The following SIN3B variants were observed in gnomAD, a reference collection of about 807,000 sequenced individuals.
SIN3B encodes SIN3 transcription regulator family member B, also known as paired amphipathic helix protein Sin3b.
SIN3B carries 19 observed loss-of-function variants against 120.2 expected under a neutral mutation model. That is an observed-to-expected ratio of 0.16 (90% CI 0.11 to 0.23). The LOEUF (loss-of-function observed/expected upper bound fraction) is 0.23, where lower values mean the gene tolerates loss of function less well. Ranked by LOEUF, SIN3B falls within the 10% of genes least tolerant of loss-of-function variation. The pLI is 1.00. For missense variants in SIN3B, 1,073 were observed against 1,573.0 expected, an observed-to-expected ratio of 0.68 and a Z score of 5.38; for synonymous variants, 654 against 653.2, an observed-to-expected ratio of 1.00 and a Z score of -0.02.
chr19:16,869,283 T>C (rs1599611004), intron 12 of SIN3B, among the ~76,000 whole-genome samples, 177 bp from the exon 13 acceptor site: 1 of 152,156 alleles, frequency 6.6e-6, no homozygotes, highest in Non-Finnish European at 1.5e-5. Context: ...CACAAGAGGT[T>C]GAGGCAAGCG....
Position 16,830,374 on chromosome 19 carries a change from A to G in SIN3B, c.227+477A>G, listed in dbSNP as rs146601459. 4.5e-4 allele frequency among the ~76,000 whole-genome samples: 68 copies of G among 152,294 alleles called. No homozygotes were observed. In the Middle Eastern group the frequency reaches 0.017, roughly 38 times the overall value. On this transcript the variant is annotated intron_variant, in intron 2 of 18. Transcript: ENST00000248054. ...AGGCCTGCTTGGAAGTAAGACGCATAAAATGCTTAGTAAGGGAGCTGGCAC... is the reference window on the plus strand; with the variant it reads ...AGGCCTGCTTGGAAGTAAGACGCATGAAATGCTTAGTAAGGGAGCTGGCAC...
At position 16,862,452 on chromosome 19, in the gene SIN3B, C is replaced by T. The variant is rs564988933; in HGVS notation, c.1159C>T (p.Arg387Trp). 7.4e-6 allele frequency: 12 copies of T among 1,614,138 alleles called. No homozygotes were observed. The highest frequency in any genetic ancestry group is 5.5e-5 in the South Asian group (5 of 91,080). The change falls in exon 9 of 19, where the codon CGG becomes TGG. Residue 387 changes from arginine to tryptophan, a missense_variant. This residue lies in a region of SIN3B where 395 missense variants were observed against 528.0 expected (regional missense o/e 0.75). Coordinates refer to ENST00000248054, the MANE Select transcript of SIN3B (RefSeq NM_001297595.2). The surrounding 1 kb of genome is among the most constrained non-coding windows in gnomAD (Gnocchi z 4.7). Reference sequence around the variant, plus strand: ...CGACAGATCCGGGGACGGGATAAGCCGGGAAATTGATTATGCATCCTGCAA... The same window carrying T: ...CGACAGATCCGGGGACGGGATAAGCTGGGAAATTGATTATGCATCCTGCAA... ...MSDRSGDGIS[R>W]EIDYASCKRI...
chr19:16,851,662 T>C, intron 6 of SIN3B, 128 bp downstream of exon 6: 2 of 1,206,076 alleles, frequency 1.7e-6, no homozygotes, highest in Non-Finnish European at 2.2e-6. Flanking sequence ...TGTGTGAGGT[T>C]CACCGGCAGT....
intron 6 of SIN3B, 96 bp downstream of exon 6, chr19:16,851,630 G>A (rs1302920038): frequency 1.4e-6 from 2 of 1,452,524 alleles, no homozygotes; most frequent in African/African-American, 1.4e-5. Context: ...CCCCAGCAGG[G>A]GTTCGGGGCT....
chr19:16,863,012 G>T (rs371609573), intron 9 of SIN3B: 83 of 1,493,316 alleles, frequency 5.6e-5, no homozygotes, highest in Middle Eastern at 1.7e-4. Flanking sequence ...GCCCTGGCCC[G>T]CTGCCCGTGT....
chr19:16,845,885 A>G (rs775580197), intron 4 of SIN3B, among the ~76,000 whole-genome samples: 3 of 152,192 alleles, frequency 2.0e-5, no homozygotes, highest in Non-Finnish European at 4.4e-5. Flanking sequence ...CCATGCCTAC[A>G]TAATGTTTAA....
At chr19:16,871,761 C>A in intron 14 of SIN3B, 1 of 213,000 alleles carries the variant, frequency 4.7e-6, no homozygotes, top group Non-Finnish European at 9.4e-6. Flanking sequence ...CTTTTTATGG[C>A]TCTGTAATAC....
chr19:16,864,267 C>G (rs1568422199), intron 10 of SIN3B, among the ~76,000 whole-genome samples: 2 of 152,206 alleles, frequency 1.3e-5, no homozygotes, highest in African/African-American at 4.8e-5. Flanking sequence ...GCACTCCACC[C>G]TGGACAACAG....
At position 16,876,199 on chromosome 19, in the gene SIN3B, C is replaced by A; in HGVS notation, c.2737C>A (p.Arg913Ser). 6.2e-7 allele frequency: 1 copy of A among 1,612,158 alleles called. No homozygotes were observed. The highest frequency in any genetic ancestry group is 8.5e-7 in the Non-Finnish European group (1 of 1,179,066). The change falls in exon 15 of 19, where the codon CGC becomes AGC. Residue 913 changes from arginine (R) to serine (S), a missense_variant. By Grantham distance (110) the Arg-to-Ser change is moderately radical (BLOSUM62 -1). This residue lies in a region of SIN3B where 311 missense variants were observed against 400.3 expected (regional missense o/e 0.78). Transcript: ENST00000248054. The surrounding 1 kb of genome is among the most constrained non-coding windows in gnomAD (Gnocchi z 7.1). ...GACCAGCTACCAGTGGAAGGCTGAGCGCTGCATGGCCGACGAGAACTGCTT... is the reference window on the plus strand; with the variant it reads ...GACCAGCTACCAGTGGAAGGCTGAGAGCTGCATGGCCGACGAGAACTGCTT... ...RETSYQWKAERCMADENCFKV... is the reference protein window; with the variant it reads ...RETSYQWKAESCMADENCFKV...
chr19:16,871,418 G>A lies in SIN3B; in HGVS notation c.2592+20G>A, dbSNP rs2051509630. ...CGGCAGGTGAGCCGGGCCGGGGTGG[G>A]GCCGGCCCTGAGGACGGCGGAAATG... On this transcript the variant is annotated intron_variant, in intron 14 of 18. Transcript: ENST00000248054. 8 of 1,584,336 alleles carry A rather than the reference G, an allele frequency of 5.0e-6. No individual in the cohort carries two copies. Among genetic ancestry groups the A allele is most frequent in the East Asian group, 2.3e-5 (1 of 44,348 alleles).
rs201503836 is a variant in SIN3B, at chr19:16,853,191, T to C, written c.939+33T>C. On this transcript the variant is annotated intron_variant, in intron 7 of 18. Coordinates refer to ENST00000248054, the MANE Select transcript of SIN3B (RefSeq NM_001297595.2). ...TGGGCCCTGGCTTCCATCTTGGGGA[T>C]GCCATGTCCAGCTGGCTGGGCCAAT... is the stretch of plus-strand genomic sequence containing the variant. 42 of 1,590,392 alleles carry C rather than the reference T, an allele frequency of 2.6e-5. No individual in the cohort carries two copies. The East Asian group carries it at 6.5e-4, about 25-fold the overall frequency.
chr19:16,844,427 A>G (rs530308315), intron 4 of SIN3B, among the ~76,000 whole-genome samples: 6 of 152,270 alleles, frequency 3.9e-5, no homozygotes, highest in East Asian at 1.9e-4. Flanking sequence ...GGTGGTGCCA[A>G]TGAGCCTGGG....
chr19:16,848,395 C>T (rs1050260446), intron 5 of SIN3B, among the ~76,000 whole-genome samples: 3 of 149,600 alleles, frequency 2.0e-5, no homozygotes, highest in Non-Finnish European at 4.4e-5. Context: ...TCTGTCTCTC[C>T]ACATGTTGGC....
intron 14 of SIN3B, among the ~76,000 whole-genome samples, chr19:16,872,833 G>A (rs967162828): frequency 2.0e-5 from 3 of 152,176 alleles, no homozygotes; most frequent in Non-Finnish European, 2.9e-5. Context: ...TCCTGGGAGC[G>A]TCATTCTGTG....
chr19:16,850,820 G>C (rs1971534586), intron 5 of SIN3B, among the ~76,000 whole-genome samples: 1 of 152,218 alleles, frequency 6.6e-6, no homozygotes, highest in East Asian at 1.9e-4. Flanking sequence ...CCCTGCTCGG[G>C]ACAAGCATCC....
chr19:16,839,753 G>T (rs1241038498), intron 3 of SIN3B, among the ~76,000 whole-genome samples: 3 of 152,186 alleles, frequency 2.0e-5, no homozygotes, highest in Non-Finnish European at 4.4e-5. Context: ...GGGCGCAGTG[G>T]TTTACGCCTG....
Position 16,851,395 on chromosome 19 carries a change from C to G in SIN3B, c.727-17C>G. ...GCCACGTCTCCGGTGCTGACCACCT[C>G]CCACATGTGTCCTTAGTTCACAGGA... On this transcript the variant is annotated splice_polypyrimidine_tract_variant and intron_variant, in intron 5 of 18. Transcript: ENST00000248054. The G allele has an allele frequency of 6.3e-7, 1 of 1,580,700 alleles. No homozygotes were observed. The highest frequency in any genetic ancestry group is 2.3e-5 in the East Asian group (1 of 43,008).
chr19:16,841,951 A>T lies in SIN3B; in HGVS notation c.565A>T (p.Ile189Phe). ...AGAAATCTACAGGTCATTCCTGGAG[A>T]TCCTGCACACGTACCAGGTAAGAAC... ...HPEIYRSFLEILHTYQKEQLN... is the reference protein window; with the variant it reads ...HPEIYRSFLEFLHTYQKEQLN... Residue 189 changes from isoleucine (I) to phenylalanine (F), a missense_variant, in exon 4 of 19, where the codon ATC (isoleucine) becomes TTC (phenylalanine). Around this residue, in one of 7 missense-constraint regions of SIN3B, gnomAD observed 395 missense variants for 528.0 expected, o/e 0.75. Transcript: ENST00000248054. 1 of 1,613,712 alleles carries T rather than the reference A, an allele frequency of 6.2e-7. No homozygotes were observed. Among genetic ancestry groups the T allele is most frequent in the Non-Finnish European group, 8.5e-7 (1 of 1,179,810 alleles).
intron 4 of SIN3B, among the ~76,000 whole-genome samples, chr19:16,842,677 G>A (rs1212845779): frequency 6.6e-6 from 1 of 152,186 alleles, no homozygotes; most frequent in Non-Finnish European, 1.5e-5. Flanking sequence ...GGGCTACAGA[G>A]ACAAATGGCT....
Sources: gnomAD v4.1 joint callset for allele counts (sites outside exome capture counted in the v4.1 genomes callset) on GRCh38, gnomAD v4.1.1 for gene constraint, gnomAD v4.1.1 regional missense constraint, Gnocchi (gnomAD v3.1) non-coding constraint, MANE v1.5 for transcripts, NCBI Gene and HGNC (gene_info 2026-07-23, HGNC 2026-07-21) for gene names.